Variants in SDK1 observed in about 807,000 individuals in gnomAD.
SDK1 encodes sidekick cell adhesion molecule 1, also known as protein sidekick-1.
SDK1 carries 157 observed loss-of-function variants against 245.5 expected under a neutral mutation model. The ratio of observed to expected loss-of-function variants is 0.64; its 90% CI spans 0.56 to 0.73. SDK1 has a LOEUF of 0.73. SDK1 is among the 30% of genes least tolerant of loss of function. SDK1 has a pLI of 0.00. For synonymous variants in SDK1, 1,647 were observed against 1,278.5 expected, an observed-to-expected ratio of 1.29 and a Z score of -6.15; for missense variants, 3,583 against 3,002.3, an observed-to-expected ratio of 1.19 and a Z score of -4.52.
intron 1 of SDK1, among the ~76,000 whole-genome samples, chr7:3,580,584 T>C (rs1343420286): frequency 6.6e-6 from 1 of 152,164 alleles, no homozygotes; most frequent in Non-Finnish European, 1.5e-5. Flanking sequence ...GATAACTGAC[T>C]AGGCATATGC....
At chr7:3,453,479 C>G (rs1780582173) in intron 1 of SDK1, among the ~76,000 whole-genome samples, 1 of 152,100 alleles carries the variant, frequency 6.6e-6, no homozygotes, top group African/African-American at 2.4e-5. Flanking sequence ...CTGGTGGACC[C>G]TAAATGCCAG....
At chr7:3,487,490 C>G (rs1020138140) in intron 1 of SDK1, among the ~76,000 whole-genome samples, 2 of 151,788 alleles carry the variant, frequency 1.3e-5, no homozygotes, top group African/African-American at 4.8e-5. Flanking sequence ...TCTGGTAATC[C>G]CAGCACTTTA....
At chr7:4,070,711 T>A (rs1051794249) in intron 20 of SDK1, among the ~76,000 whole-genome samples, 23 of 120,432 alleles carry the variant, frequency 1.9e-4, no homozygotes, top group African/African-American at 5.8e-4. Context: ...ACCTCTCAAA[T>A]TTTTTTTTTT....
At chr7:3,603,495 G>T (rs918271655) in intron 1 of SDK1, among the ~76,000 whole-genome samples, 1 of 151,548 alleles carries the variant, frequency 6.6e-6, no homozygotes, top group African/African-American at 2.4e-5. Flanking sequence ...TCTGTTATTG[G>T]TGTATAAGAA....
At chr7:3,461,298 G>C (rs1017690492) in intron 1 of SDK1, among the ~76,000 whole-genome samples, 10 of 152,124 alleles carry the variant, frequency 6.6e-5, no homozygotes, top group Non-Finnish European at 1.5e-4. Context: ...TTCTGTGAGC[G>C]ACATGGTCTG....
intron 23 of SDK1, among the ~76,000 whole-genome samples, chr7:4,112,591 G>A (rs1783418573): frequency 6.6e-6 from 1 of 151,946 alleles, no homozygotes; most frequent in African/African-American, 2.4e-5. Flanking sequence ...TTAACCCCTC[G>A]AGGTTATCCT....
chr7:3,636,806 A>C (rs1336585331), intron 2 of SDK1, among the ~76,000 whole-genome samples: 1 of 152,188 alleles, frequency 6.6e-6, no homozygotes, highest in Non-Finnish European at 1.5e-5. Context: ...TTACATTCCC[A>C]TGTACAGTAG....
chr7:4,124,860 G>GATGGATGGGTGGATGGTAGATGA (rs961991802), intron 25 of SDK1, among the ~76,000 whole-genome samples: 8 of 152,088 alleles, frequency 5.3e-5, no homozygotes, highest in African/African-American at 1.7e-4. Flanking sequence ...TGGGCGAATG[G>GATGGATGGGTGGATGGTAGATGA]ATGGATGGGT....
chr7:3,541,817 T>G (rs1373434299), intron 1 of SDK1, among the ~76,000 whole-genome samples: 1 of 152,212 alleles, frequency 6.6e-6, no homozygotes, highest in African/African-American at 2.4e-5. Context: ...TGTGTGGTGT[T>G]GAAGAACCAT....
intron 1 of SDK1, among the ~76,000 whole-genome samples, chr7:3,446,440 T>C (rs1780343750): frequency 6.6e-6 from 1 of 152,152 alleles, no homozygotes; most frequent in African/African-American, 2.4e-5. Context: ...ATAAGTTTTC[T>C]ACCAGCATCT....
intron 41 of SDK1, among the ~76,000 whole-genome samples, chr7:4,234,271 C>T (rs186950837): frequency 2.0e-5 from 3 of 152,316 alleles, no homozygotes; most frequent in African/African-American, 4.8e-5. Context: ...TGCACACCTT[C>T]GCTGTGAGGT....
intron 4 of SDK1, among the ~76,000 whole-genome samples, chr7:3,646,944 CT>C (rs1309556438): frequency 6.6e-6 from 1 of 152,086 alleles, no homozygotes; most frequent in African/African-American, 2.4e-5. Flanking sequence ...TTGCCAGGGA[CT>C]TGGGGGAAGG....
chr7:3,508,575 G>A (rs765664079), intron 1 of SDK1, among the ~76,000 whole-genome samples: 42 of 151,976 alleles, frequency 2.8e-4, no homozygotes, highest in Non-Finnish European at 5.7e-4. Flanking sequence ...TGATATACCC[G>A]CCTGGGCCTC....
chr7:3,946,476 G>C (rs1054058275), intron 5 of SDK1, among the ~76,000 whole-genome samples: 4 of 151,350 alleles, frequency 2.6e-5, no homozygotes, highest in Non-Finnish European at 5.9e-5. Context: ...CACCACACCT[G>C]CTAATTTTTT....
Position 3,717,002 on chromosome 7 carries a change from T to C in SDK1, c.713+74897T>C, listed in dbSNP as rs548309032. 2.6e-5 allele frequency among the ~76,000 whole-genome samples: 4 copies of C among 152,208 alleles called. No homozygotes were observed. The East Asian group carries it at 7.7e-4, about 29-fold the overall frequency. On this transcript the variant is annotated intron_variant, in intron 4 of 44. Coordinates refer to ENST00000404826, the MANE Select transcript of SDK1 (RefSeq NM_152744.4). ...ATATTTGAAGTTTGAAGAAAAAAAA[T>C]TTAATTCCATCTCAAGCAGTGTTAA...
intron 29 of SDK1, among the ~76,000 whole-genome samples, chr7:4,146,169 C>G (rs1227570593): frequency 6.6e-6 from 1 of 151,380 alleles, no homozygotes; most frequent in African/African-American, 2.4e-5. Context: ...ACACCTTCAG[C>G]CTCACACCTG....
intron 1 of SDK1, among the ~76,000 whole-genome samples, chr7:3,427,521 CA>C (rs57827479): frequency 0.28 from 26,603 of 96,116 alleles, 2,214 homozygotes; most frequent in Middle Eastern, 0.35. Flanking sequence ...CTCCATCTCC[CA>C]AAAAAAAAAA....
chr7:3,381,553 GT>G (rs1204654061), intron 1 of SDK1, among the ~76,000 whole-genome samples: 2 of 152,106 alleles, frequency 1.3e-5, no homozygotes, highest in African/African-American at 4.8e-5. Context: ...TTTTGTGTTG[GT>G]TGTTTTAAAG....
At position 4,022,973 on chromosome 7, in the gene SDK1, G is replaced by A. The variant is rs576327808; in HGVS notation, c.2602+5621G>A. ...TGTATTTTATTAGAGACGGGGTTTC[G>A]CCGTGTTACCCAGGATGGTCTCGAT... On this transcript the variant is annotated intron_variant, in intron 17 of 44. Coordinates refer to ENST00000404826, the MANE Select transcript of SDK1 (RefSeq NM_152744.4). Among the ~76,000 whole-genome samples, 13 of 151,806 alleles carry A rather than the reference G, an allele frequency of 8.6e-5. No homozygotes were observed. The South Asian group carries it at 1.0e-3, about 12-fold the overall frequency.
Sources: gnomAD v4.1 joint callset for allele counts (sites outside exome capture counted in the v4.1 genomes callset) on GRCh38, gnomAD v4.1.1 for gene constraint, MANE v1.5 for transcripts, NCBI Gene and HGNC (gene_info 2026-07-23, HGNC 2026-07-21) for gene names.